MTRF1: variants seen among roughly 807,000 people sequenced by gnomAD.
The protein encoded by MTRF1 is peptide chain release factor 1, mitochondrial.
Under a neutral mutation model 62.9 loss-of-function variants are expected in MTRF1, and 51 were observed. The observed-to-expected ratio is 0.81, with a 90% CI of 0.65 to 1.02. MTRF1 has a LOEUF of 1.02. Ranked by LOEUF, MTRF1 falls within the 50% of genes least tolerant of loss-of-function variation. MTRF1 has a pLI of 0.00. For synonymous variants in MTRF1, 158 were observed against 181.9 expected (o/e 0.87, Z 1.06); for missense variants, 446 against 530.0 (o/e 0.84, Z 1.56).
chr13:41,246,136 G>A (rs553635330), intron 5 of MTRF1, among the ~76,000 whole-genome samples: 3 of 152,264 alleles, frequency 2.0e-5, no homozygotes, highest in African/African-American at 7.2e-5. Context: ...ATAACCATGA[G>A]TTATGAGAGG....
chr13:41,260,814 G>A lies in MTRF1; in HGVS notation c.94C>T (p.Gln32Ter), dbSNP rs1023237290. ...TGCAGCCTTGTATCAAGATGTATCT[G>A]TCTAAATTGATGAGAATGGAGCTGG... ...HIQLHSHQFR[Q>*]IHLDTRLQVF... The change falls in exon 2 of 10, where the codon CAG becomes TAG. Residue 32 changes from glutamine (Q) to a stop codon, truncating the protein, a stop_gained. Transcript: ENST00000379480. LOFTEE classifies it high-confidence loss of function. 1 of 1,614,086 alleles carries A rather than the reference G, an allele frequency of 6.2e-7. No individual in the cohort carries two copies. Among genetic ancestry groups the A allele is most frequent in the Non-Finnish European group, 8.5e-7 (1 of 1,179,994 alleles).
the MTRF1 span, among the ~76,000 whole-genome samples, chr13:41,298,929 C>G: frequency 6.6e-6 from 1 of 152,162 alleles, no homozygotes; most frequent in Non-Finnish European, 1.5e-5. Context: ...CCTGTAATCC[C>G]AGCACTTTGG....
chr13:41,234,783 C>A (rs1236691294), intron 6 of MTRF1, among the ~76,000 whole-genome samples: 1 of 152,166 alleles, frequency 6.6e-6, no homozygotes, highest in East Asian at 1.9e-4. Context: ...TGCCCATTGC[C>A]AGCTGAAGTA....
intron 5 of MTRF1, among the ~76,000 whole-genome samples, chr13:41,250,640 T>A (rs1022811793): frequency 3.9e-5 from 6 of 152,070 alleles, no homozygotes; most frequent in Non-Finnish European, 8.8e-5. Context: ...ATTACAGGTG[T>A]GCACCACCAC....
At chr13:41,285,640 G>A in the MTRF1 span, among the ~76,000 whole-genome samples, 1 of 152,192 alleles carries the variant, frequency 6.6e-6, no homozygotes, top group African/African-American at 2.4e-5. Flanking sequence ...GAGAGTTACT[G>A]CTATGAGTTC....
the MTRF1 span, among the ~76,000 whole-genome samples, chr13:41,269,199 G>T: frequency 0.027 from 1,826 of 67,832 alleles, 3 homozygotes; most frequent in Non-Finnish European, 0.036. Flanking sequence ...TTTTTTTTTG[G>T]TTTTTTTTTT....
intron 6 of MTRF1, among the ~76,000 whole-genome samples, chr13:41,239,969 T>G (rs866468978): frequency 3.3e-5 from 5 of 152,150 alleles, no homozygotes; most frequent in Non-Finnish European, 7.4e-5. Context: ...GAGACCAGTC[T>G]GGCCAACATG....
At chr13:41,224,060 C>T (rs1345603305) in intron 8 of MTRF1, among the ~76,000 whole-genome samples, 3 of 152,186 alleles carry the variant, frequency 2.0e-5, no homozygotes, top group Non-Finnish European at 4.4e-5. Context: ...GGCCAATCTT[C>T]CCAGTGTTAT....
intron 5 of MTRF1, among the ~76,000 whole-genome samples, chr13:41,248,040 G>T (rs186348512): frequency 9.9e-5 from 15 of 152,226 alleles, no homozygotes; most frequent in African/African-American, 3.6e-4. Flanking sequence ...CATAGTTACC[G>T]TATTAAAAGG....
the MTRF1 span, among the ~76,000 whole-genome samples, chr13:41,270,785 G>A: frequency 6.6e-6 from 1 of 151,216 alleles, no homozygotes; most frequent in East Asian, 1.9e-4. Context: ...TCGTTGCCCA[G>A]GTTGGAGTGC....
intron 6 of MTRF1, among the ~76,000 whole-genome samples, chr13:41,237,024 G>A (rs1335377391): frequency 6.6e-6 from 1 of 152,018 alleles, no homozygotes; most frequent in Admixed American, 6.6e-5. Context: ...TTCAAGACCA[G>A]CCTGAGCAAC....
the MTRF1 span, among the ~76,000 whole-genome samples, chr13:41,281,443 A>T: frequency 1.3e-4 from 20 of 152,178 alleles, no homozygotes; most frequent in East Asian, 3.7e-3. Flanking sequence ...AGCCAGGTCC[A>T]GAGTCAATGT....
In MTRF1 at chr13:41,233,973, A is replaced by G. The variant is rs1358058366; in HGVS notation, c.905T>C (p.Ile302Thr). ...DVKLDPKDLR[I>T]DTFRAKGAGG... The stretch of plus-strand genomic sequence containing the variant: ...TGCTCCTTTGGCTCGAAATGTATCT[A>G]TTCGCAAATCCTTGGGGTCCAATTT... Residue 302 changes from isoleucine (I) to threonine (T), a missense_variant, in exon 7 of 10, where the codon ATA becomes ACA. Coordinates refer to ENST00000379480, the MANE Select transcript of MTRF1 (RefSeq NM_004294.4). The G allele has an allele frequency of 3.1e-6, 5 of 1,614,058 alleles. No individual in the cohort carries two copies. The highest frequency in any genetic ancestry group is 2.7e-5 in the African/African-American group (2 of 74,942).
At chr13:41,240,571 T>G (rs1396435677) in intron 5 of MTRF1, 138 bp from the exon 6 acceptor site, 1 of 622,626 alleles carries the variant, frequency 1.6e-6, no homozygotes, top group Non-Finnish European at 2.4e-6. Flanking sequence ...AACGAGGGCC[T>G]CTGAAGAAGA....
chr13:41,266,996 C>CAAAAAAAAAA (rs59609555), upstream of MTRF1, among the ~76,000 whole-genome samples: 1 of 81,214 alleles, frequency 1.2e-5, no homozygotes, highest in African/African-American at 4.6e-5. Context: ...GACTCTGTCT[C>CAAAAAAAAAA]AAAAAAAAAA....
At chr13:41,246,243 G>A (rs1258891517) in intron 5 of MTRF1, among the ~76,000 whole-genome samples, 1 of 152,024 alleles carries the variant, frequency 6.6e-6, no homozygotes, top group Non-Finnish European at 1.5e-5. Context: ...GCAATTGGTG[G>A]TTTGTTTTGG....
At chr13:41,270,781 C>A in the MTRF1 span, among the ~76,000 whole-genome samples, 1 of 151,046 alleles carries the variant, frequency 6.6e-6, no homozygotes, top group African/African-American at 2.4e-5. Flanking sequence ...ACTCTCGTTG[C>A]CCAGGTTGGA....
chr13:41,233,179 C>T (rs567710030), intron 7 of MTRF1, among the ~76,000 whole-genome samples: 1 of 151,976 alleles, frequency 6.6e-6, no homozygotes, highest in South Asian at 2.1e-4. Context: ...GAGGTAATTA[C>T]CAGAAGAAAT....
At chr13:41,227,061 C>T (rs929459024) in intron 7 of MTRF1, among the ~76,000 whole-genome samples, 13 of 151,978 alleles carry the variant, frequency 8.6e-5, no homozygotes, top group Admixed American at 7.9e-4. Context: ...GAAGGCAAGG[C>T]GGGTGGATCA....
Sources: gnomAD v4.1 joint callset for allele counts (sites outside exome capture counted in the v4.1 genomes callset) on GRCh38, gnomAD v4.1.1 for gene constraint, MANE v1.5 for transcripts, NCBI Gene and HGNC (gene_info 2026-07-23, HGNC 2026-07-21) for gene names.